PGLYRP3: variants seen among roughly 807,000 people sequenced by gnomAD.
PGLYRP3 encodes peptidoglycan recognition protein 3, also known as peptidoglycan recognition protein I alpha.
PGLYRP3 carries 39 observed loss-of-function variants against 36.0 expected under a neutral mutation model. That is an observed-to-expected ratio of 1.08 (90% confidence interval 0.84 to 1.41). The LOEUF is 1.41. Among genes scored for constraint, PGLYRP3 ranks in the 40% most tolerant of loss-of-function variants. The pLI is 0.00. For missense variants in PGLYRP3, 407 were observed against 427.9 expected, an observed-to-expected ratio of 0.95 and a Z score of 0.43; for synonymous variants, 204 against 172.8, an observed-to-expected ratio of 1.18 and a Z score of -1.42.
At chr1:153,304,043 A>T (rs1239908682) in intron 4 of PGLYRP3, 34 bp from the exon 5 acceptor site, 3 of 1,590,078 alleles carry the variant, frequency 1.9e-6, no homozygotes, top group Non-Finnish European at 2.6e-6. Context: ...CAAAAATGTC[A>T]GTAAGAAACT....
chr1:153,298,382 G>A lies in PGLYRP3; in HGVS notation c.848-248C>T, dbSNP rs184333214. On this transcript the variant is annotated intron_variant, in intron 7 of 7. Coordinates refer to ENST00000683862, the MANE Select transcript of PGLYRP3 (RefSeq NM_052891.3). ...AAAACTGCTGTGGAGGGGGCCAGGTGCAGTAGCTCACGCCTGTAATCCCAG... is the reference window on the plus strand; with the variant it reads ...AAAACTGCTGTGGAGGGGGCCAGGTACAGTAGCTCACGCCTGTAATCCCAG... Among the ~76,000 whole-genome samples the A allele has an allele frequency of 5.9e-3, 894 of 152,200 alleles. 13 individuals are homozygous for A. Among genetic ancestry groups the A allele is most frequent in the African/African-American group, 0.02 (843 of 41,500 alleles).
At chr1:153,310,896 G>A (rs996501160) in intron 1 of PGLYRP3, among the ~76,000 whole-genome samples, 190 bp from the exon 2 acceptor site, 1 of 152,104 alleles carries the variant, frequency 6.6e-6, no homozygotes, top group Admixed American at 6.5e-5. Flanking sequence ...TAATGGCTAT[G>A]TCTAGCCACC....
In PGLYRP3 at chr1:153,302,530, A is replaced by G. The variant is rs760377479; in HGVS notation, c.607T>C (p.Tyr203His). 1.9e-6 allele frequency: 3 copies of G among 1,614,198 alleles called. No individual in the cohort carries two copies. The South Asian group carries it at 3.3e-5, about 18-fold the overall frequency. Reference protein sequence around the residue: ...HCPKMNLPAKYVIIIHTAGTS... With the variant: ...HCPKMNLPAKHVIIIHTAGTS... ...CCAGCGGTGTGGATGATGATGACAT[A>G]TTTGGCTGGGAGGTTCATTTTAGGG... is the stretch of plus-strand genomic sequence containing the variant. Residue 203 changes from tyrosine (Y) to histidine (H), a missense_variant, in exon 6 of 8, where the codon TAT becomes CAT. Tyr to His is a moderately conservative substitution (Grantham distance 83). Transcript: ENST00000683862.
At chr1:153,299,079 C>A in intron 7 of PGLYRP3, 34 bp downstream of exon 7, 1 of 1,568,098 alleles carries the variant, frequency 6.4e-7, no homozygotes, top group Non-Finnish European at 8.8e-7. Flanking sequence ...TCCTTCAACC[C>A]CCAGCACCCC....
rs1283909548 is a variant in PGLYRP3, at chr1:153,297,566, AAAGAAAGAAAGAAAG to A, written c.*375_*389del. Among the ~76,000 whole-genome samples the A allele has an allele frequency of 2.6e-5, 2 of 76,302 alleles. No individual in the cohort carries two copies. The highest frequency in any genetic ancestry group is 2.6e-4 in the East Asian group (1 of 3,904). 50.1% of individuals were successfully genotyped at this position (76,302 alleles called of 152,430 possible). ...AGGAAGGAAGGAAAGAAAGAAAAAG[AAAGAAAGAAAGAAAG>A]AAGAAAGAAAGAAAGAAAGAAAGAG... On this transcript the variant is annotated 3_prime_UTR_variant, in exon 8 of 8. Coordinates refer to ENST00000683862, the MANE Select transcript of PGLYRP3 (RefSeq NM_052891.3).
At chr1:153,304,784 T>C (rs1659693528) in intron 4 of PGLYRP3, among the ~76,000 whole-genome samples, 163 bp downstream of exon 4, 1 of 152,182 alleles carries the variant, frequency 6.6e-6, no homozygotes, top group South Asian at 2.1e-4. Context: ...ACAAAAAGTA[T>C]GCATGTCACA....
At chr1:153,307,334 G>A in intron 2 of PGLYRP3, 67 bp from the exon 3 acceptor site, 1 of 1,473,958 alleles carries the variant, frequency 6.8e-7, no homozygotes, top group South Asian at 1.2e-5. Context: ...GGTCGACCAT[G>A]TGCCCTGACC....
At chr1:153,308,257 GT>G (rs1412732725) in intron 2 of PGLYRP3, among the ~76,000 whole-genome samples, 1 of 152,172 alleles carries the variant, frequency 6.6e-6, no homozygotes, top group African/African-American at 2.4e-5. Context: ...GCCTCCCAAA[GT>G]GCTGGGATTA....
intron 1 of PGLYRP3, among the ~76,000 whole-genome samples, chr1:153,311,461 T>C (rs1199186429): frequency 6.6e-6 from 1 of 152,204 alleles, no homozygotes; most frequent in South Asian, 2.1e-4. Flanking sequence ...TACCCAGGTC[T>C]GTCTGACTCC....
At chr1:153,305,345 C>A (rs1045035873) in intron 3 of PGLYRP3, among the ~76,000 whole-genome samples, 1 of 152,212 alleles carries the variant, frequency 6.6e-6, no homozygotes, top group African/African-American at 2.4e-5. Flanking sequence ...ACTCAAGGAC[C>A]TGAGGACATT....
intron 6 of PGLYRP3, among the ~76,000 whole-genome samples, chr1:153,300,700 T>A (rs545093595): frequency 6.6e-6 from 1 of 152,336 alleles, no homozygotes; most frequent in South Asian, 2.1e-4. Flanking sequence ...CCCAGCACAC[T>A]GTCTCCACTA....
chr1:153,312,312 T>A (rs1659913513), intron 1 of PGLYRP3, among the ~76,000 whole-genome samples: 1 of 152,148 alleles, frequency 6.6e-6, no homozygotes, highest in South Asian at 2.1e-4. Context: ...GCATCCTGTA[T>A]ACTGAAAGAA....
rs574917277 is a variant in PGLYRP3 at position 153,308,871 on chromosome 1, G to A, written c.56-1604C>T. 6.6e-5 allele frequency among the ~76,000 whole-genome samples: 10 copies of A among 152,286 alleles called. No individual in the cohort carries two copies. In the East Asian group the frequency reaches 1.5e-3, roughly 23 times the overall value. ...AGCCTCCCTCCATTCCAGGAGCACTGCAGTCTCACCTGCTGCCTTATCTGG... is the reference window on the plus strand; with the variant it reads ...AGCCTCCCTCCATTCCAGGAGCACTACAGTCTCACCTGCTGCCTTATCTGG... On this transcript the variant is annotated intron_variant, in intron 2 of 7. Coordinates refer to ENST00000683862, the MANE Select transcript of PGLYRP3 (RefSeq NM_052891.3).
Position 153,307,141 on chromosome 1 carries a change from C to T in PGLYRP3, c.182G>A (p.Ser61Asn). ...QLPGMQCQQQ[S>N]VCSQMLRGLQ... ...CCCCCGCAGCATCTGGCTGCAAACG[C>T]TCTGCTGCTGGCACTGCATCCCTGG... The change falls in exon 3 of 8, where the codon AGC (serine) becomes AAC (asparagine). Residue 61 changes from serine to asparagine, a missense_variant. Physicochemically the swap from Ser to Asn is conservative, Grantham distance 46. Transcript: ENST00000683862. 1 of 1,612,934 alleles carries T rather than the reference C, an allele frequency of 6.2e-7. No homozygotes were observed.
chr1:153,312,623 ACACT>A lies in PGLYRP3; in HGVS notation c.-42+16_-42+19del, dbSNP rs1659923799. 6.6e-6 allele frequency among the ~76,000 whole-genome samples: 1 copy of A among 151,966 alleles called. No homozygotes were observed. Among genetic ancestry groups the A allele is most frequent in the South Asian group, 2.1e-4 (1 of 4,814 alleles). On this transcript the variant is annotated intron_variant, in intron 1 of 7. Transcript: ENST00000683862. ...GAAATACACACACACACACACACAC[ACACT>A]CAAACTCACAGATACCTGTGGGTTC... is the stretch of plus-strand genomic sequence containing the variant.
intron 6 of PGLYRP3, among the ~76,000 whole-genome samples, chr1:153,301,018 G>A (rs905656351): frequency 7.2e-5 from 11 of 152,252 alleles, no homozygotes; most frequent in African/African-American, 1.7e-4. Flanking sequence ...AGGCTCAAGC[G>A]ATCCTCCGTT....
At chr1:153,303,580 C>G (rs779446248) in intron 5 of PGLYRP3, among the ~76,000 whole-genome samples, 5 of 152,236 alleles carry the variant, frequency 3.3e-5, no homozygotes, top group Non-Finnish European at 7.3e-5. Context: ...GTACTTAGAA[C>G]AGTGCCTGCT....
intron 5 of PGLYRP3, 34 bp from the exon 6 acceptor site, chr1:153,302,641 T>C: frequency 6.3e-7 from 1 of 1,598,490 alleles, no homozygotes; most frequent in Non-Finnish European, 8.6e-7. Context: ...GAAGTAGGAA[T>C]TTTTTTTGCC....
chr1:153,310,535 G>A, intron 2 of PGLYRP3, 76 bp downstream of exon 2: 1 of 1,470,060 alleles, frequency 6.8e-7, no homozygotes, highest in Non-Finnish European at 9.5e-7. Context: ...ACTCGGATGG[G>A]TTTCTATTAT....
Sources: gnomAD v4.1 joint callset for allele counts (sites outside exome capture counted in the v4.1 genomes callset) on GRCh38, gnomAD v4.1.1 for gene constraint, MANE v1.5 for transcripts, NCBI Gene and HGNC (gene_info 2026-07-23, HGNC 2026-07-21) for gene names.